Variants in ZDBF2 observed in about 807,000 individuals in gnomAD.
ZDBF2 encodes zinc finger DBF-type containing 2, also known as DBF4-type zinc finger-containing protein 2.
ZDBF2 carries 6 observed loss-of-function variants against 9.4 expected under a neutral mutation model. The observed-to-expected ratio is 0.64, with a 90% confidence interval of 0.35 to 1.27. The LOEUF is 1.27. Ranked by LOEUF, ZDBF2 falls within the 50% of genes most tolerant of loss-of-function variation. The pLI is 0.03. For synonymous variants in ZDBF2, 905 were observed against 946.3 expected, an observed-to-expected ratio of 0.96 and a Z score of 0.80; for missense variants, 2,697 against 2,766.8, an observed-to-expected ratio of 0.97 and a Z score of 0.57.
Position 206,313,993 on chromosome 2 carries a change from G to C in ZDBF2, c.*2400G>C, listed in dbSNP as rs140871948. ...CAGAATTTGGTAGTATACAAGATGT[G>C]CCCCTTTGTCTAAATAAATGTTGGC... On this transcript the variant is annotated 3_prime_UTR_variant, in exon 5 of 5. Coordinates refer to ENST00000374423, the MANE Select transcript of ZDBF2 (RefSeq NM_020923.3). 57 of 152,200 alleles carry C rather than the reference G, an allele frequency of 3.7e-4. No individual in the cohort carries two copies. Among genetic ancestry groups the C allele is most frequent in the African/African-American group, 1.3e-3 (54 of 41,550 alleles). 9.4% of individuals were successfully genotyped at this position (152,200 alleles called of 1,614,324 possible).
rs372280453 is a variant in ZDBF2 at position 206,310,945 on chromosome 2, G to A, written c.6417G>A (p.Glu2139=). The change falls in exon 5 of 5, where the codon GAG becomes GAA. Residue 2139 remains glutamate, a synonymous_variant. Transcript: ENST00000374423. ...AATCAAAGGTTCTGCATGCTCGTGA[G>A]CTTCCAAAGAAAAGAAATTTCCAGC... ...LEESKVLHAR[E]LPKKRNFQLT... 11 of 1,613,652 alleles carry A rather than the reference G, an allele frequency of 6.8e-6. No individual in the cohort carries two copies. The highest frequency in any genetic ancestry group is 8.5e-6 in the Non-Finnish European group (10 of 1,179,870).
intron 4 of ZDBF2, among the ~76,000 whole-genome samples, chr2:206,300,097 G>A (rs1169690946): frequency 6.6e-6 from 1 of 152,092 alleles, no homozygotes; most frequent in African/African-American, 2.4e-5. Flanking sequence ...CAACAAGAGC[G>A]AAACTTGGTC....
chr2:206,302,258 C>A (rs1484501475), intron 4 of ZDBF2, among the ~76,000 whole-genome samples: 1 of 152,142 alleles, frequency 6.6e-6, no homozygotes. Context: ...GATCCTCTCA[C>A]TTGAGTCTTC....
chr2:206,311,054 A>G lies in ZDBF2; in HGVS notation c.6526A>G (p.Ile2176Val), dbSNP rs1448219214. ...TTTGGAAAGTCAAAGTAAAAAGAAA[A>G]TTCATGGAAAGAGGGTGACAACTAG... ...KLLESQSKKK[I>V]HGKRVTTSSN... The change falls in exon 5 of 5, where the codon ATT becomes GTT. Residue 2176 changes from isoleucine to valine, a missense_variant. This residue lies in a region of ZDBF2 where 1,783 missense variants were observed against 1,776.5 expected (regional missense o/e 1.00). Transcript: ENST00000374423. The G allele has an allele frequency of 1.1e-5, 18 of 1,610,376 alleles. No homozygotes were observed. The highest frequency in any genetic ancestry group is 1.4e-5 in the Non-Finnish European group (16 of 1,179,064).
chr2:206,292,909 T>A (rs1691971931), intron 3 of ZDBF2, among the ~76,000 whole-genome samples: 1 of 152,092 alleles, frequency 6.6e-6, no homozygotes, highest in African/African-American at 2.4e-5. Context: ...ATTGTTATAT[T>A]TATCCAATGT....
At chr2:206,288,489 C>A (rs1347617001) in intron 3 of ZDBF2, among the ~76,000 whole-genome samples, 1 of 152,156 alleles carries the variant, frequency 6.6e-6, no homozygotes, top group Non-Finnish European at 1.5e-5. Flanking sequence ...CTGAGTAGAT[C>A]CCTCTTGGTG....
In ZDBF2 at chr2:206,306,843, A is replaced by G. The variant is rs759788453; in HGVS notation, c.2315A>G (p.Lys772Arg). Residue 772 changes from lysine to arginine, a missense_variant, in exon 5 of 5, where the codon AAA becomes AGA. Physicochemically the swap from Lys to Arg is conservative, Grantham distance 26. This residue lies in a region of ZDBF2 where 910 missense variants were observed against 973.6 expected (regional missense o/e 0.93). Transcript: ENST00000374423. ...TEQSHLDAEG[K>R]ERHIDLEDES... ...CAGTCTCATCTGGATGCTGAAGGAA[A>G]AGAACGGCACATTGACCTGGAAGAT... 2 of 1,613,914 alleles carry G rather than the reference A, an allele frequency of 1.2e-6. No homozygotes were observed. The highest frequency in any genetic ancestry group is 1.7e-6 in the Non-Finnish European group (2 of 1,179,830).
chr2:206,279,267 C>A (rs1375138408), intron 1 of ZDBF2, among the ~76,000 whole-genome samples: 1 of 152,126 alleles, frequency 6.6e-6, no homozygotes, highest in Non-Finnish European at 1.5e-5. Flanking sequence ...GCCTTATAGT[C>A]TTTTACAGCT....
chr2:206,281,655 CA>C lies in ZDBF2; in HGVS notation c.-49-145del. On this transcript the variant is annotated intron_variant, in intron 2 of 4. Coordinates refer to ENST00000374423, the MANE Select transcript of ZDBF2 (RefSeq NM_020923.3). ...ATAGTTCTTGTCTCTGCTCCAGGTT[CA>C]CTTATTTATTCAGTGGCTCATGGCA... 5.7e-6 allele frequency: 3 copies of C among 524,608 alleles called. No individual in the cohort carries two copies. In the Middle Eastern group the frequency reaches 1.5e-3, roughly 267 times the overall value. 32.5% of individuals were successfully genotyped at this position (524,608 alleles called of 1,614,324 possible).
At chr2:206,285,884 G>A (rs1691575188) in intron 3 of ZDBF2, among the ~76,000 whole-genome samples, 1 of 152,162 alleles carries the variant, frequency 6.6e-6, no homozygotes, top group South Asian at 2.1e-4. Flanking sequence ...AGTTTTCTCA[G>A]CTTCATTTAT....
chr2:206,311,312 G>T lies in ZDBF2; in HGVS notation c.6784G>T (p.Ala2262Ser). 6.2e-7 allele frequency: 1 copy of T among 1,605,504 alleles called. No homozygotes were observed. Among genetic ancestry groups the T allele is most frequent in the Non-Finnish European group, 8.5e-7 (1 of 1,175,336 alleles). ...ATCTGTTGTCAGTAGGCTAAAGAAGGCGAAGAGAACAGCTAAAGTGCTTTT... is the reference window on the plus strand; with the variant it reads ...ATCTGTTGTCAGTAGGCTAAAGAAGTCGAAGAGAACAGCTAAAGTGCTTTT... ...KKSVVSRLKKAKRTAKVLLNS... is the reference protein window; with the variant it reads ...KKSVVSRLKKSKRTAKVLLNS... Residue 2262 changes from alanine (A) to serine (S), a missense_variant, in exon 5 of 5, where the codon GCG becomes TCG. Ala to Ser is a moderately conservative substitution (Grantham distance 99). Around this residue, in one of 3 missense-constraint regions of ZDBF2, gnomAD observed 1,783 missense variants for 1,776.5 expected, o/e 1.00. Transcript: ENST00000374423.
chr2:206,307,327 TC>T lies in ZDBF2; in HGVS notation c.2802del (p.Ile935LeufsTer4), dbSNP rs1301455881. 8 of 1,612,138 alleles carry T rather than the reference TC, an allele frequency of 5.0e-6. No homozygotes were observed. Among genetic ancestry groups the T allele is most frequent in the Non-Finnish European group, 6.8e-6 (8 of 1,179,468 alleles). On this transcript the variant is annotated frameshift_variant, in exon 5 of 5. Coordinates refer to ENST00000374423, the MANE Select transcript of ZDBF2 (RefSeq NM_020923.3). LOFTEE classifies it low-confidence loss of function (END_TRUNC). ...FHSVTGRSED[P>X]IKEISLHTKE... Reference sequence around the variant, plus strand: ...ATTCAGTGACTGGACGTTCTGAAGATCCCATTAAAGAAATAAGCCTTCACAC... The same window carrying T: ...ATTCAGTGACTGGACGTTCTGAAGATCCATTAAAGAAATAAGCCTTCACAC...
intron 4 of ZDBF2, among the ~76,000 whole-genome samples, chr2:206,299,514 A>G (rs1280877444): frequency 6.6e-6 from 1 of 151,696 alleles, no homozygotes; most frequent in Non-Finnish European, 1.5e-5. Context: ...TCTACTAAAA[A>G]TACAAAAATT....
intron 3 of ZDBF2, among the ~76,000 whole-genome samples, chr2:206,289,816 T>G (rs1691797474): frequency 6.6e-6 from 1 of 152,082 alleles, no homozygotes; most frequent in Non-Finnish European, 1.5e-5. Flanking sequence ...GGGGGTTGGT[T>G]GTTGGGATCC....
intron 3 of ZDBF2, among the ~76,000 whole-genome samples, chr2:206,291,459 A>G (rs1043477720): frequency 3.3e-5 from 5 of 152,260 alleles, no homozygotes; most frequent in Admixed American, 6.5e-5. Context: ...CCAATACCTA[A>G]CAGCCCTTCT....
At chr2:206,289,623 A>G (rs914364174) in intron 3 of ZDBF2, among the ~76,000 whole-genome samples, 1 of 152,158 alleles carries the variant, frequency 6.6e-6, no homozygotes, top group African/African-American at 2.4e-5. Context: ...GGAGCAAAAC[A>G]CGTTTCAGCC....
Position 206,309,228 on chromosome 2 carries a change from G to A in ZDBF2, c.4700G>A (p.Cys1567Tyr), listed in dbSNP as rs773765613. 1 of 1,606,912 alleles carries A rather than the reference G, an allele frequency of 6.2e-7. No homozygotes were observed. Among genetic ancestry groups the A allele is most frequent in the Non-Finnish European group, 8.5e-7 (1 of 1,176,170 alleles). Reference protein sequence around the residue: ...VKDISCINTECIDIEDKSCDF... With the variant: ...VKDISCINTEYIDIEDKSCDF... ...GATATCAGCTGTATAAATACAGAAT[G>A]TATTGATATAGAAGATAAGAGCTGT... The change falls in exon 5 of 5, where the codon TGT (cysteine) becomes TAT (tyrosine). Residue 1567 changes from cysteine (C) to tyrosine (Y), a missense_variant. Transcript: ENST00000374423.
chr2:206,299,742 TC>T (rs925217978), intron 4 of ZDBF2, among the ~76,000 whole-genome samples: 21 of 148,656 alleles, frequency 1.4e-4, no homozygotes, highest in African/African-American at 4.5e-4. Context: ...TACTTTGACC[TC>T]CCCCCCGCCC....
chr2:206,283,386 T>TG (rs1691424676), intron 3 of ZDBF2, among the ~76,000 whole-genome samples: 1 of 151,392 alleles, frequency 6.6e-6, no homozygotes, highest in African/African-American at 2.4e-5. Flanking sequence ...CTGTTTTGTT[T>TG]TTTGTTGTTG....
Sources: gnomAD v4.1 joint callset for allele counts (sites outside exome capture counted in the v4.1 genomes callset) on GRCh38, gnomAD v4.1.1 for gene constraint, gnomAD v4.1.1 regional missense constraint, MANE v1.5 for transcripts, NCBI Gene and HGNC (gene_info 2026-07-23, HGNC 2026-07-21) for gene names.